The following ATP9B variants were observed in gnomAD, a reference collection of about 807,000 sequenced individuals.
ATP9B encodes the protein probable phospholipid-transporting ATPase IIB.
In ATP9B, 110 loss-of-function variants were observed where a neutral mutation model predicts 146.1. The observed-to-expected ratio is 0.75, with a 90% CI of 0.65 to 0.88. The LOEUF (loss-of-function observed/expected upper bound fraction) is 0.88, where lower values mean the gene tolerates loss of function less well. Ranked by LOEUF, ATP9B falls within the 40% of genes least tolerant of loss-of-function variation. The probability of loss-of-function intolerance (pLI) is 0.00; values close to 1 mark genes in which losing one functional copy is unlikely to be tolerated. For missense variants in ATP9B, 1,499 were observed against 1,496.4 expected (o/e 1.00, Z -0.03); for synonymous variants, 604 against 569.7 (o/e 1.06, Z -0.86).
At chr18:79,307,862 C>T (rs939668100) in intron 15 of ATP9B, among the ~76,000 whole-genome samples, 6 of 151,812 alleles carry the variant, frequency 4.0e-5, no homozygotes, top group African/African-American at 1.5e-4. Flanking sequence ...ACACTTTGTC[C>T]CTTTAAGGTC....
chr18:79,118,652 A>G (rs1389055352), intron 4 of ATP9B, among the ~76,000 whole-genome samples: 1 of 151,918 alleles, frequency 6.6e-6, no homozygotes, highest in Non-Finnish European at 1.5e-5. Flanking sequence ...CGTCCGCCTC[A>G]GCCTCCCAAA....
chr18:79,176,997 T>C, intron 8 of ATP9B, 90 bp downstream of exon 8: 1 of 1,048,324 alleles, frequency 9.5e-7, no homozygotes, highest in Non-Finnish European at 1.4e-6. Flanking sequence ...GCTAATTTAT[T>C]TAATGCATTG....
chr18:79,201,310 T>C (rs992265855), intron 9 of ATP9B, among the ~76,000 whole-genome samples: 1 of 152,234 alleles, frequency 6.6e-6, no homozygotes, highest in Admixed American at 6.5e-5. Flanking sequence ...AACTTGTTTA[T>C]AATGAGAAAA....
At chr18:79,291,111 C>G (rs1217724212) in intron 13 of ATP9B, among the ~76,000 whole-genome samples, 1 of 152,106 alleles carries the variant, frequency 6.6e-6, no homozygotes, top group Non-Finnish European at 1.5e-5. Flanking sequence ...TTAATTTCCT[C>G]TTTGCCTGCT....
chr18:79,347,915 C>G lies in ATP9B; in HGVS notation c.2828C>G (p.Ser943Cys), dbSNP rs201586630. The G allele has an allele frequency of 1.2e-6, 2 of 1,613,372 alleles. No individual in the cohort carries two copies. The highest frequency in any genetic ancestry group is 8.5e-7 in the Non-Finnish European group (1 of 1,179,776). Residue 943 changes from serine to cysteine, a missense_variant, in exon 24 of 30, where the codon TCC (serine) becomes TGC (cysteine). Coordinates refer to ENST00000426216, the MANE Select transcript of ATP9B (RefSeq NM_198531.5). ...GTCATGCACAGGGGCCTTATCATCT[C>G]CACCATGCAGGTACTAAGCCTTCTG... Reference protein sequence around the residue: ...QFVMHRGLIISTMQAVFSSVF... With the variant: ...QFVMHRGLIICTMQAVFSSVF...
At chr18:79,160,387 G>T (rs553753462) in intron 7 of ATP9B, among the ~76,000 whole-genome samples, 1 of 152,262 alleles carries the variant, frequency 6.6e-6, no homozygotes, top group South Asian at 2.1e-4. Context: ...TTTTTATACT[G>T]CCATCCCTGC....
chr18:79,084,479 C>T (rs921090687), intron 1 of ATP9B, among the ~76,000 whole-genome samples: 2 of 151,414 alleles, frequency 1.3e-5, no homozygotes, highest in African/African-American at 4.9e-5. Context: ...TTGCTATAAA[C>T]TTAATTCACT....
intron 2 of ATP9B, 75 bp downstream of exon 2, chr18:79,096,724 A>G: frequency 8.5e-7 from 1 of 1,179,144 alleles, no homozygotes; most frequent in Middle Eastern, 2.2e-4. Context: ...TATACTTATT[A>G]GCTATATTAA....
rs959835732 is a variant in ATP9B, at chr18:79,163,501, T to C, written c.778+8946T>C. 2.0e-5 allele frequency among the ~76,000 whole-genome samples: 3 copies of C among 152,168 alleles called. No individual in the cohort carries two copies. In the East Asian group the frequency reaches 5.8e-4, roughly 29 times the overall value. ...ATTGACATCTCACAGATGTGTCAGA[T>C]AGAGTCTAGAATTTAGTCCATTTTA... On this transcript the variant is annotated intron_variant, in intron 7 of 29. Transcript: ENST00000426216.
chr18:79,231,822 A>C (rs1182510139), intron 11 of ATP9B, among the ~76,000 whole-genome samples: 2 of 147,512 alleles, frequency 1.4e-5, no homozygotes, highest in Non-Finnish European at 3.0e-5. Flanking sequence ...ACACCATGGA[A>C]TACTGCTCAG....
At chr18:79,082,634 GTTAGTTTTACTTC>G (rs1462507491) in intron 1 of ATP9B, among the ~76,000 whole-genome samples, 1 of 152,188 alleles carries the variant, frequency 6.6e-6, no homozygotes, top group Non-Finnish European at 1.5e-5. Flanking sequence ...TCCTTTGTTT[GTTAGTTTTACTTC>G]TAACAGTCAG....
At chr18:79,150,465 A>G (rs1326465104) in intron 6 of ATP9B, among the ~76,000 whole-genome samples, 1 of 152,212 alleles carries the variant, frequency 6.6e-6, no homozygotes, top group African/African-American at 2.4e-5. Context: ...GAAAGTCCAT[A>G]TATCCCAGGT....
chr18:79,156,315 A>G (rs1190061825), intron 7 of ATP9B, among the ~76,000 whole-genome samples: 1 of 152,132 alleles, frequency 6.6e-6, no homozygotes, highest in East Asian at 1.9e-4. Context: ...AGCTGGTCCC[A>G]TGTCACTGAA....
chr18:79,329,135 C>A lies in ATP9B; in HGVS notation c.1774-6C>A. 1 of 1,579,832 alleles carries A rather than the reference C, an allele frequency of 6.3e-7. No homozygotes were observed. Among genetic ancestry groups the A allele is most frequent in the East Asian group, 2.3e-5 (1 of 43,370 alleles). ...GGTGGCCTCAGTTGTTGCTGGTCTC[C>A]CGTAGGTCGCTCTGGTGCAGTGGAC... On this transcript the variant is annotated splice_polypyrimidine_tract_variant and splice_region_variant and intron_variant, in intron 15 of 29. Coordinates refer to ENST00000426216, the MANE Select transcript of ATP9B (RefSeq NM_198531.5).
At chr18:79,285,713 A>G (rs1309187347) in intron 13 of ATP9B, among the ~76,000 whole-genome samples, 2 of 152,198 alleles carry the variant, frequency 1.3e-5, no homozygotes, top group South Asian at 2.1e-4. Flanking sequence ...CCTGAATGGT[A>G]ATGCCTAGGT....
chr18:79,080,258 T>C (rs1160099266), intron 1 of ATP9B, among the ~76,000 whole-genome samples: 1 of 152,242 alleles, frequency 6.6e-6, no homozygotes, highest in African/African-American at 2.4e-5. Context: ...ACAATATTGA[T>C]TCTTCCTATC....
chr18:79,320,138 G>A (rs1029126917), intron 15 of ATP9B, among the ~76,000 whole-genome samples: 15 of 152,184 alleles, frequency 9.9e-5, no homozygotes, highest in Non-Finnish European at 1.6e-4. Flanking sequence ...ATTTTAAATA[G>A]GAGATCTTTT....
intron 14 of ATP9B, among the ~76,000 whole-genome samples, chr18:79,304,885 T>G (rs751519512): frequency 6.0e-4 from 92 of 152,248 alleles, no homozygotes; most frequent in Non-Finnish European, 1.3e-3. Context: ...TCTGAGGCCC[T>G]TTTTCTGCCT....
Position 79,206,996 on chromosome 18 carries a change from C to T in ATP9B, c.1014C>T (p.Ser338=), listed in dbSNP as rs1379247096. Residue 338 remains serine (S), a synonymous_variant, in exon 10 of 30, where the codon AGC becomes AGT. Coordinates refer to ENST00000426216, the MANE Select transcript of ATP9B (RefSeq NM_198531.5). ...SLSIENTLWA[S]TIVASGTVIG... ...GCATAGAAAATACATTGTGGGCAAG[C>T]ACCATTGTTGCATCAGGTAAGGAAA... The T allele has an allele frequency of 6.2e-7, 1 of 1,613,892 alleles. No homozygotes were observed. The highest frequency in any genetic ancestry group is 8.5e-7 in the Non-Finnish European group (1 of 1,179,886).
Sources: gnomAD v4.1 joint callset for allele counts (sites outside exome capture counted in the v4.1 genomes callset) on GRCh38, gnomAD v4.1.1 for gene constraint, MANE v1.5 for transcripts, NCBI Gene and HGNC (gene_info 2026-07-23, HGNC 2026-07-21) for gene names.